Variants in AKNA observed in about 807,000 individuals in gnomAD.
AKNA encodes AT-hook transcription factor.
In AKNA, 67 loss-of-function variants were observed where a neutral mutation model predicts 138.8. That is an observed-to-expected ratio of 0.48 (90% CI 0.40 to 0.59). The LOEUF is 0.59. Ranked by LOEUF, AKNA falls within the 20% of genes least tolerant of loss-of-function variation. AKNA has a pLI of 0.00. For missense variants in AKNA, 1,813 were observed against 1,880.4 expected (o/e 0.96, Z 0.66); for synonymous variants, 737 against 754.4 (o/e 0.98, Z 0.38).
intron 19 of AKNA, among the ~76,000 whole-genome samples, 172 bp downstream of exon 19, chr9:114,343,536 G>A (rs1482127058): frequency 6.6e-6 from 1 of 152,222 alleles, no homozygotes; most frequent in Non-Finnish European, 1.5e-5. Flanking sequence ...AGCAGCACCT[G>A]AAGCAACAGA....
chr9:114,333,780 A>G (rs1365863041), downstream of AKNA, among the ~76,000 whole-genome samples: 3 of 150,288 alleles, frequency 2.0e-5, no homozygotes, highest in Admixed American at 1.3e-4. Flanking sequence ...AAATGAGAGG[A>G]TGCATTTGAG....
chr9:114,336,220 C>T lies in AKNA; in HGVS notation c.*834G>A, dbSNP rs1228923443. 1 of 152,590 alleles carries T rather than the reference C, an allele frequency of 6.6e-6. No homozygotes were observed. The highest frequency in any genetic ancestry group is 1.5e-5 in the Non-Finnish European group (1 of 68,030). The allele number at this position is 152,590 out of a possible 1,614,324, so 9.5% of individuals were successfully genotyped here. On this transcript the variant is annotated 3_prime_UTR_variant, in exon 22 of 22. Transcript: ENST00000374088. ...GTAACGAAAATAGATTTTTAAATGC[C>T]TCAAATATACAAACATCATTGATGC...
upstream of AKNA, among the ~76,000 whole-genome samples, chr9:114,394,987 T>C (rs978737290): frequency 2.0e-5 from 3 of 152,074 alleles, no homozygotes; most frequent in Non-Finnish European, 4.4e-5. Context: ...GGCAAGGACC[T>C]AGGGGCTGGT....
At chr9:114,363,105 TATC>T (rs1162516139) in intron 7 of AKNA, among the ~76,000 whole-genome samples, 7 of 152,258 alleles carry the variant, frequency 4.6e-5, no homozygotes, top group Admixed American at 1.3e-4. Context: ...AGGGGTGATT[TATC>T]ATCTTCATTT....
intron 14 of AKNA, among the ~76,000 whole-genome samples, chr9:114,353,121 C>T (rs1831247969): frequency 6.6e-6 from 1 of 151,800 alleles, no homozygotes. Flanking sequence ...TTTTTAATTT[C>T]AATAAATAAT....
At chr9:114,365,614 C>T (rs1302919942) in intron 6 of AKNA, among the ~76,000 whole-genome samples, 1 of 151,482 alleles carries the variant, frequency 6.6e-6, no homozygotes, top group Non-Finnish European at 1.5e-5. Flanking sequence ...ATGTGAGCTA[C>T]ACCATCTATA....
chr9:114,356,482 T>G (rs1327966104), intron 13 of AKNA, among the ~76,000 whole-genome samples: 1 of 152,190 alleles, frequency 6.6e-6, no homozygotes, highest in Non-Finnish European at 1.5e-5. Context: ...CCCTCCACTC[T>G]TCACCCCTGT....
At chr9:114,388,963 A>G (rs1319005479), upstream of AKNA, among the ~76,000 whole-genome samples, 3 of 152,194 alleles carry the variant, frequency 2.0e-5, no homozygotes, top group African/African-American at 7.2e-5. Context: ...CAGACATTTT[A>G]AGTGTCCCAG....
In AKNA at chr9:114,357,947, G is replaced by T; in HGVS notation, c.2713C>A (p.His905Asn). The T allele has an allele frequency of 6.2e-7, 1 of 1,601,642 alleles. No individual in the cohort carries two copies. The highest frequency in any genetic ancestry group is 8.5e-7 in the Non-Finnish European group (1 of 1,176,138). Residue 905 changes from histidine (H) to asparagine (N), a missense_variant, in exon 12 of 22, where the codon CAC (histidine) becomes AAC (asparagine). Coordinates refer to ENST00000374088, the MANE Select transcript of AKNA (RefSeq NM_001317950.2). ...ISERLPQKPL[H>N]RGGGPHLEET... is the part of the protein sequence containing the mutation. Reference sequence around the variant, plus strand: ...TCCAGGTGGGGCCCACCGCCTCGGTGCAAAGGCTTCTGTGGAAGGCGCTCA... The same window carrying T: ...TCCAGGTGGGGCCCACCGCCTCGGTTCAAAGGCTTCTGTGGAAGGCGCTCA...
At chr9:114,391,068 C>G (rs971263724), upstream of AKNA, among the ~76,000 whole-genome samples, 4 of 152,234 alleles carry the variant, frequency 2.6e-5, no homozygotes, top group Admixed American at 2.0e-4. Flanking sequence ...CTTGCCCAAG[C>G]CTGACTCATA....
intron 20 of AKNA, 69 bp downstream of exon 20, chr9:114,341,940 C>G (rs1445293779): frequency 6.8e-7 from 1 of 1,466,342 alleles, no homozygotes; most frequent in East Asian, 2.3e-5. Flanking sequence ...TAAACTCACC[C>G]AGGTCTAATA....
chr9:114,342,087 C>CG lies in AKNA; in HGVS notation c.3795dup (p.Ala1266ArgfsTer2), dbSNP rs1436397812. ...CACAGGGGACACTGAAGGGTATCAG[C>CG]GGGAGGCGGTCCCAGTGGGTCCCCT... is the stretch of plus-strand genomic sequence containing the variant. On this transcript the variant is annotated frameshift_variant, in exon 20 of 22. Transcript: ENST00000374088. LOFTEE classifies it high-confidence loss of function. The CG allele has an allele frequency of 6.2e-6, 10 of 1,610,216 alleles. No individual in the cohort carries two copies. Among genetic ancestry groups the CG allele is most frequent in the Non-Finnish European group, 7.6e-6 (9 of 1,178,484 alleles).
rs1374356909 is a variant in AKNA, at chr9:114,336,082, T to C, written c.*972A>G. On this transcript the variant is annotated 3_prime_UTR_variant, in exon 22 of 22. Transcript: ENST00000374088. ...GCATCAAACCTACCACCCCATAAAC[T>C]TGACATTGAAGGCAAAAGTTAATGA... is the stretch of plus-strand genomic sequence containing the variant. 6.6e-6 allele frequency: 1 copy of C among 152,444 alleles called. No homozygotes were observed. 9.4% of individuals were successfully genotyped at this position (152,444 alleles called of 1,614,324 possible).
chr9:114,360,152 G>T, intron 9 of AKNA, 90 bp from the exon 10 acceptor site: 1 of 1,542,646 alleles, frequency 6.5e-7, no homozygotes, highest in Non-Finnish European at 8.9e-7. Flanking sequence ...CGAGCTGTGG[G>T]CTGCGGGGTA....
intron 5 of AKNA, 146 bp from the exon 6 acceptor site, chr9:114,367,843 G>A (rs1832477630): frequency 2.2e-6 from 2 of 906,618 alleles, no homozygotes; most frequent in Non-Finnish European, 3.2e-6. Flanking sequence ...CCCAGGAAGT[G>A]GGCTGGGTAG....
At chr9:114,368,304 C>T in intron 5 of AKNA, 135 bp downstream of exon 5, 1 of 1,031,976 alleles carries the variant, frequency 9.7e-7, no homozygotes, top group Non-Finnish European at 1.3e-6. Context: ...AGTCAAAGTG[C>T]CCAGGGTGGG....
chr9:114,395,441 C>T (rs1207267014), upstream of AKNA, among the ~76,000 whole-genome samples: 1 of 152,090 alleles, frequency 6.6e-6, no homozygotes, highest in East Asian at 1.9e-4. Context: ...AACGACCATC[C>T]GTGGCTCCTG....
downstream of AKNA, chr9:114,330,535 C>G (rs1178016562): frequency 6.2e-7 from 1 of 1,612,652 alleles, no homozygotes; most frequent in Non-Finnish European, 8.5e-7. Flanking sequence ...TTACCCCCAA[C>G]AAGACAGAGG....
intron 2 of AKNA, among the ~76,000 whole-genome samples, chr9:114,378,379 T>C (rs1833397891): frequency 6.6e-6 from 1 of 152,254 alleles, no homozygotes; most frequent in African/African-American, 2.4e-5. Context: ...CCCTCTACTT[T>C]GTAACACTTA....
Sources: gnomAD v4.1 joint callset for allele counts (sites outside exome capture counted in the v4.1 genomes callset) on GRCh38, gnomAD v4.1.1 for gene constraint, MANE v1.5 for transcripts, NCBI Gene and HGNC (gene_info 2026-07-23, HGNC 2026-07-21) for gene names.